LRRC8D: variants seen among roughly 807,000 people sequenced by gnomAD.
LRRC8D encodes the protein volume-regulated anion channel subunit LRRC8D.
LRRC8D carries 20 observed loss-of-function variants against 55.8 expected under a neutral mutation model. The observed-to-expected ratio is 0.36, with a 90% CI of 0.25 to 0.52. The LOEUF is 0.52. Ranked by LOEUF, LRRC8D falls within the 20% of genes least tolerant of loss-of-function variation. The pLI, the probability that LRRC8D is intolerant of heterozygous loss-of-function variation, is 0.93. For synonymous variants in LRRC8D, 352 were observed against 377.0 expected, an observed-to-expected ratio of 0.93 and a Z score of 0.77; for missense variants, 651 against 1,030.8, an observed-to-expected ratio of 0.63 and a Z score of 5.05.
At chr1:89,852,138 G>A (rs1198232481) in intron 2 of LRRC8D, among the ~76,000 whole-genome samples, 6 of 152,286 alleles carry the variant, frequency 3.9e-5, no homozygotes, top group East Asian at 3.9e-4. Flanking sequence ...TCTAGGGTCC[G>A]AAACCTGCTG....
At chr1:89,901,886 C>G (rs868055073) in intron 2 of LRRC8D, among the ~76,000 whole-genome samples, 1 of 152,242 alleles carries the variant, frequency 6.6e-6, no homozygotes, top group Non-Finnish European at 1.5e-5. Flanking sequence ...TCTTCTTCCT[C>G]CTCCTAAACT....
At chr1:89,924,816 A>T (rs1435013454) in intron 2 of LRRC8D, among the ~76,000 whole-genome samples, 1 of 152,224 alleles carries the variant, frequency 6.6e-6, no homozygotes, top group Non-Finnish European at 1.5e-5. Context: ...ATACAGAAAC[A>T]TAAAACCAAA....
At chr1:89,856,232 C>T (rs557584908) in intron 2 of LRRC8D, among the ~76,000 whole-genome samples, 1 of 152,080 alleles carries the variant, frequency 6.6e-6, no homozygotes, top group African/African-American at 2.4e-5. Flanking sequence ...CTTGCTAGAT[C>T]AGTAAATAAT....
Position 89,934,997 on chromosome 1 carries a change from G to A in LRRC8D, c.1929G>A (p.Gln643=), listed in dbSNP as rs1570903502. 1 of 1,614,098 alleles carries A rather than the reference G, an allele frequency of 6.2e-7. No homozygotes were observed. Among genetic ancestry groups the A allele is most frequent in the Non-Finnish European group, 8.5e-7 (1 of 1,180,030 alleles). Residue 643 remains glutamine, a synonymous_variant, in exon 3 of 3, where the codon CAG becomes CAA. Transcript: ENST00000337338. This position sits in a 1 kb window ranked among gnomAD's most constrained non-coding sequence, Gnocchi z 5.9. ...TGAATGTCGCTGAGCTGGAACTCCA[G>A]AACTGTGAGCTAGAGAGAATCCCAC... is the stretch of plus-strand genomic sequence containing the variant. ...KMMNVAELEL[Q]NCELERIPHA... is the part of the protein sequence containing the mutation.
chr1:89,924,946 G>C (rs1663519635), intron 2 of LRRC8D, among the ~76,000 whole-genome samples: 1 of 152,164 alleles, frequency 6.6e-6, no homozygotes, highest in Admixed American at 6.5e-5. Context: ...AGTTGGGTTG[G>C]AAGGCTCCCT....
intron 2 of LRRC8D, among the ~76,000 whole-genome samples, chr1:89,928,064 A>G (rs1160811175): frequency 6.6e-6 from 1 of 152,180 alleles, no homozygotes; most frequent in Non-Finnish European, 1.5e-5. Context: ...CCAAGATTAG[A>G]AACAGATTTT....
At chr1:89,902,231 C>T (rs776541813) in intron 2 of LRRC8D, among the ~76,000 whole-genome samples, 5 of 152,260 alleles carry the variant, frequency 3.3e-5, no homozygotes, top group Non-Finnish European at 7.3e-5. Flanking sequence ...CAGCAGGGAC[C>T]TTGAAGAGAA....
chr1:89,894,408 G>T (rs1222006934), intron 2 of LRRC8D, among the ~76,000 whole-genome samples: 2 of 152,220 alleles, frequency 1.3e-5, no homozygotes, highest in Non-Finnish European at 2.9e-5. Context: ...GAAGGGAAAT[G>T]CTTGAAGATA....
At chr1:89,904,470 A>G (rs1277768075) in intron 2 of LRRC8D, among the ~76,000 whole-genome samples, 1 of 152,260 alleles carries the variant, frequency 6.6e-6, no homozygotes, top group Non-Finnish European at 1.5e-5. Flanking sequence ...AAATGAGTTC[A>G]TTCACTTTTC....
chr1:89,884,312 A>G (rs539941352), intron 2 of LRRC8D, among the ~76,000 whole-genome samples: 2 of 152,328 alleles, frequency 1.3e-5, no homozygotes, highest in South Asian at 4.1e-4. Context: ...AGCCCTTTCT[A>G]TTTCCTGACA....
intron 2 of LRRC8D, among the ~76,000 whole-genome samples, chr1:89,915,282 T>C (rs190767528): frequency 1.0e-3 from 157 of 152,326 alleles, no homozygotes; most frequent in Admixed American, 5.0e-3. Flanking sequence ...TCTTAGCATT[T>C]GCAGTCTCTA....
At chr1:89,900,909 C>T (rs984505782) in intron 2 of LRRC8D, among the ~76,000 whole-genome samples, 2 of 152,182 alleles carry the variant, frequency 1.3e-5, no homozygotes, top group African/African-American at 4.8e-5. Context: ...GATTTCAGTT[C>T]TTTGCCATGG....
intron 2 of LRRC8D, among the ~76,000 whole-genome samples, chr1:89,876,068 G>C (rs1662139358): frequency 1.3e-5 from 2 of 152,072 alleles, no homozygotes; most frequent in African/African-American, 4.8e-5. Context: ...CTACCTCCCA[G>C]GCCAGGCAGA....
intron 2 of LRRC8D, among the ~76,000 whole-genome samples, chr1:89,887,024 T>C (rs1487030363): frequency 6.6e-6 from 1 of 152,194 alleles, no homozygotes; most frequent in Non-Finnish European, 1.5e-5. Flanking sequence ...TGATTTGTTA[T>C]TTAAATTTTA....
chr1:89,902,831 G>A (rs994095718), intron 2 of LRRC8D, among the ~76,000 whole-genome samples: 1 of 152,178 alleles, frequency 6.6e-6, no homozygotes, highest in Non-Finnish European at 1.5e-5. Context: ...GCCAATAAAA[G>A]GATGTTTTCT....
chr1:89,890,629 A>C (rs1431544885), intron 2 of LRRC8D, among the ~76,000 whole-genome samples: 29 of 152,190 alleles, frequency 1.9e-4, no homozygotes, highest in Admixed American at 1.7e-3. Context: ...TGACTTAAGA[A>C]GTCACAAAAA....
rs17130922 is a variant in LRRC8D, at chr1:89,899,536, C to G, written c.-2-33531C>G. 3.0e-3 allele frequency among the ~76,000 whole-genome samples: 453 copies of G among 152,292 alleles called. 12 individuals are homozygous for G. The South Asian group carries it at 0.05, about 17-fold the overall frequency. On this transcript the variant is annotated intron_variant, in intron 2 of 2. Coordinates refer to ENST00000337338, the MANE Select transcript of LRRC8D (RefSeq NM_001134479.2). ...TGCAGAGCTTTAGGATGGAGAGGAC[C>G]TTGAGGAAAGAATTAATGTAAACTG...
chr1:89,851,414 C>A (rs1160684958), intron 2 of LRRC8D, among the ~76,000 whole-genome samples: 1 of 152,094 alleles, frequency 6.6e-6, no homozygotes, highest in Non-Finnish European at 1.5e-5. Flanking sequence ...TCCCCGTCTG[C>A]AATTTATGTC....
chr1:89,839,077 C>G (rs181777614), intron 1 of LRRC8D, among the ~76,000 whole-genome samples: 32 of 152,284 alleles, frequency 2.1e-4, no homozygotes, highest in Non-Finnish European at 3.8e-4. Flanking sequence ...TGCACCCACT[C>G]ATTTCTATTC....
Sources: gnomAD v4.1 joint callset for allele counts (sites outside exome capture counted in the v4.1 genomes callset) on GRCh38, gnomAD v4.1.1 for gene constraint, Gnocchi (gnomAD v3.1) non-coding constraint, MANE v1.5 for transcripts, NCBI Gene and HGNC (gene_info 2026-07-23, HGNC 2026-07-21) for gene names.